The following INTS2 variants were observed in gnomAD, a reference collection of about 807,000 sequenced individuals.
INTS2 encodes KIAA1287.
A neutral mutation model predicts 139.6 loss-of-function variants in INTS2; 57 were observed. The ratio of observed to expected loss-of-function variants is 0.41; its 90% CI spans 0.33 to 0.51. INTS2 has a LOEUF of 0.51. Ranked by LOEUF, INTS2 falls within the 20% of genes least tolerant of loss-of-function variation. The pLI is 0.28. For missense variants in INTS2, 1,196 were observed against 1,436.7 expected (o/e 0.83, Z 2.71); for synonymous variants, 473 against 493.4 (o/e 0.96, Z 0.55).
chr17:61,927,765 G>A lies in INTS2; in HGVS notation c.-130C>T. On this transcript the variant is annotated 5_prime_UTR_variant, in exon 1 of 25. Coordinates refer to ENST00000251334, the MANE Select transcript of INTS2 (RefSeq NM_001351695.2). ...CGATGTTGGGCCTAGGCGATATCCG[G>A]AACCCCAAACCCTAGTTGTGCCTCG... 1.3e-6 allele frequency: 2 copies of A among 1,553,190 alleles called. No individual in the cohort carries two copies. The highest frequency in any genetic ancestry group is 8.7e-7 in the Non-Finnish European group (1 of 1,151,342).
Position 61,875,092 on chromosome 17 carries a change from T to C in INTS2, c.2457-54A>G. ...ACAGTTTTTTATATATTAAAATCTG[T>C]AGCCATCCAGTCCTTTCTATCTTAG... is the stretch of plus-strand genomic sequence containing the variant. On this transcript the variant is annotated intron_variant, in intron 18 of 24. Coordinates refer to ENST00000251334, the MANE Select transcript of INTS2 (RefSeq NM_001351695.2). This position sits in a 1 kb window ranked among gnomAD's most constrained non-coding sequence, Gnocchi z 4.6. 1.5e-6 allele frequency: 2 copies of C among 1,331,756 alleles called. No individual in the cohort carries two copies. The highest frequency in any genetic ancestry group is 2.0e-6 in the Non-Finnish European group (2 of 989,532). The allele number at this position is 1,331,756 out of a possible 1,614,324, so 82.5% of individuals were successfully genotyped here. A position where few individuals can be genotyped will look rare whatever the true frequency, so the allele number is the denominator to read the frequency against.
chr17:61,914,978 C>G (rs1411614909), intron 5 of INTS2, among the ~76,000 whole-genome samples: 1 of 151,796 alleles, frequency 6.6e-6, no homozygotes, highest in African/African-American at 2.4e-5. Flanking sequence ...CCGAGGAGGA[C>G]AGATCACTTG....
At position 61,882,373 on chromosome 17, in the gene INTS2, G is replaced by A. The variant is rs1042854321; in HGVS notation, c.2090-1202C>T. On this transcript the variant is annotated intron_variant, in intron 16 of 24. Transcript: ENST00000251334. This position sits in a 1 kb window ranked among gnomAD's most constrained non-coding sequence, Gnocchi z 4.7. The stretch of plus-strand genomic sequence containing the variant: ...TGGGAAAACTTGTTACCAAATCAAA[G>A]CCTTATTTATAACATTTTACCTATA... 6.6e-6 allele frequency among the ~76,000 whole-genome samples: 1 copy of A among 152,150 alleles called. No homozygotes were observed. The highest frequency in any genetic ancestry group is 2.4e-5 in the African/African-American group (1 of 41,426).
Position 61,911,477 on chromosome 17 carries a change from A to G in INTS2, c.954+43T>C, listed in dbSNP as rs1278949123. ...GTTTCTTTCTCTTTTAGCAGCTGCT[A>G]AAGTATTCTGATCCTTAGCCTATAC... On this transcript the variant is annotated intron_variant, in intron 7 of 24. Coordinates refer to ENST00000251334, the MANE Select transcript of INTS2 (RefSeq NM_001351695.2). 5.9e-6 allele frequency: 9 copies of G among 1,531,524 alleles called. No individual in the cohort carries two copies. The African/African-American group carries it at 9.7e-5, about 16-fold the overall frequency. 94.9% of individuals were successfully genotyped at this position (1,531,524 alleles called of 1,614,324 possible).
At chr17:61,894,482 G>A (rs1171668541) in intron 12 of INTS2, among the ~76,000 whole-genome samples, 1 of 152,156 alleles carries the variant, frequency 6.6e-6, no homozygotes, top group Non-Finnish European at 1.5e-5. Context: ...TTGTAATTCA[G>A]GAGTATATGT....
rs1249961356 is a variant in INTS2, at chr17:61,871,672, G to C, written c.2778+593C>G. Among the ~76,000 whole-genome samples, 1 of 152,076 alleles carries C rather than the reference G, an allele frequency of 6.6e-6. No individual in the cohort carries two copies. The highest frequency in any genetic ancestry group is 1.5e-5 in the Non-Finnish European group (1 of 68,016). On this transcript the variant is annotated intron_variant, in intron 20 of 24. Transcript: ENST00000251334. The surrounding 1 kb of genome is among the most constrained non-coding windows in gnomAD (Gnocchi z 4.9). ...AATGAGGCCGGGTGCCGTGGCTCAT[G>C]CCTGTAATCCCAGCACTTTGGGAAG...
intron 8 of INTS2, among the ~76,000 whole-genome samples, chr17:61,906,216 A>G (rs1020593729): frequency 3.3e-5 from 5 of 152,192 alleles, no homozygotes; most frequent in African/African-American, 1.2e-4. Context: ...CTCAAAGGAA[A>G]TGCTCATTGG....
chr17:61,868,941 G>T lies in INTS2; in HGVS notation c.3244+93C>A. The T allele has an allele frequency of 1.3e-6, 1 of 742,610 alleles. No individual in the cohort carries two copies. The highest frequency in any genetic ancestry group is 2.3e-6 in the Non-Finnish European group (1 of 429,760). 46.0% of individuals were successfully genotyped at this position (742,610 alleles called of 1,614,324 possible). On this transcript the variant is annotated intron_variant, in intron 23 of 24. Coordinates refer to ENST00000251334, the MANE Select transcript of INTS2 (RefSeq NM_001351695.2). The surrounding 1 kb of genome is among the most constrained non-coding windows in gnomAD (Gnocchi z 4.7). Reference sequence around the variant, plus strand: ...ATATTGTATCATACTGTCTCAGAGTGACAGAAAAAACATATTGCATCACTA... The same window carrying T: ...ATATTGTATCATACTGTCTCAGAGTTACAGAAAAAACATATTGCATCACTA...
chr17:61,892,994 G>A (rs1248969208), intron 13 of INTS2, among the ~76,000 whole-genome samples: 2 of 141,142 alleles, frequency 1.4e-5, no homozygotes, highest in Non-Finnish European at 3.1e-5. Context: ...GTGGTGGCTC[G>A]CACCTGTAGT....
At chr17:61,874,140 T>C (rs1302460271) in intron 19 of INTS2, 3 of 152,168 alleles carry the variant, frequency 2.0e-5, no homozygotes, top group Non-Finnish European at 4.4e-5. Context: ...CTGTACCTGA[T>C]TATGATCAAT....
intron 5 of INTS2, 61 bp downstream of exon 5, chr17:61,919,339 G>T: frequency 1.3e-6 from 1 of 771,602 alleles, no homozygotes; most frequent in Non-Finnish European, 2.2e-6. Flanking sequence ...AGGTCAAAAA[G>T]ATAGGTCCTG....
intron 8 of INTS2, among the ~76,000 whole-genome samples, chr17:61,905,546 C>T (rs1237560183): frequency 6.6e-6 from 1 of 152,160 alleles, no homozygotes; most frequent in Non-Finnish European, 1.5e-5. Context: ...AGGTTGTCCT[C>T]GAACTCCTGA....
Position 61,875,953 on chromosome 17 carries a change from G to C in INTS2, c.2457-915C>G, listed in dbSNP as rs74527233. ...GGAGGCTGAGGCAGAAGGTTCGCTT[G>C]AGCCCAGGAGTTCAAGACTAGCCTG... On this transcript the variant is annotated intron_variant, in intron 18 of 24. Coordinates refer to ENST00000251334, the MANE Select transcript of INTS2 (RefSeq NM_001351695.2). The surrounding 1 kb of genome is among the most constrained non-coding windows in gnomAD (Gnocchi z 4.6). 0.031 allele frequency among the ~76,000 whole-genome samples: 4,708 copies of C among 152,124 alleles called. 239 individuals are homozygous for C. Among genetic ancestry groups the C allele is most frequent in the African/African-American group, 0.11 (4,455 of 41,462 alleles).
chr17:61,883,152 T>A (rs1164654972), intron 16 of INTS2, among the ~76,000 whole-genome samples: 1 of 152,168 alleles, frequency 6.6e-6, no homozygotes, highest in Non-Finnish European at 1.5e-5. Flanking sequence ...CAACATTTCA[T>A]ACTCTTTTCA....
rs1042948362 is a variant in INTS2 at position 61,869,539 on chromosome 17, G to T, written c.3031-159C>A. On this transcript the variant is annotated intron_variant, in intron 21 of 24. Coordinates refer to ENST00000251334, the MANE Select transcript of INTS2 (RefSeq NM_001351695.2). The surrounding 1 kb of genome is among the most constrained non-coding windows in gnomAD (Gnocchi z 5.4). ...GGCATTTCACTTTTCTGATGCACTA[G>T]AATAGAGATTAAACTATCGAACATT... 6.6e-6 allele frequency among the ~76,000 whole-genome samples: 1 copy of T among 151,364 alleles called. No individual in the cohort carries two copies. Among genetic ancestry groups the T allele is most frequent in the Admixed American group, 6.6e-5 (1 of 15,176 alleles).
At chr17:61,908,098 T>C (rs2079484785) in intron 7 of INTS2, among the ~76,000 whole-genome samples, 1 of 152,192 alleles carries the variant, frequency 6.6e-6, no homozygotes, top group Admixed American at 6.5e-5. Flanking sequence ...ATATTTACCT[T>C]ATAGAACTCC....
At position 61,873,877 on chromosome 17, in the gene INTS2, C is replaced by T. The variant is rs575132381; in HGVS notation, c.2582+1036G>A. On this transcript the variant is annotated intron_variant, in intron 19 of 24. Coordinates refer to ENST00000251334, the MANE Select transcript of INTS2 (RefSeq NM_001351695.2). This position sits in a 1 kb window ranked among gnomAD's most constrained non-coding sequence, Gnocchi z 4.0. ...CCACATTAGCCTAATATTCAAGGCC[C>T]TCGATAGCCTGACCCCAATTTAACT... 6.6e-6 allele frequency among the ~76,000 whole-genome samples: 1 copy of T among 152,282 alleles called. No homozygotes were observed. The highest frequency in any genetic ancestry group is 2.1e-4 in the South Asian group (1 of 4,826).
At chr17:61,906,986 A>AAAAAAAATT (rs1164750429) in intron 8 of INTS2, among the ~76,000 whole-genome samples, 1 of 147,176 alleles carries the variant, frequency 6.8e-6, no homozygotes, top group Non-Finnish European at 1.5e-5. Flanking sequence ...AAAAAAAAAC[A>AAAAAAAATT]TTGTACTTAT....
intron 9 of INTS2, among the ~76,000 whole-genome samples, chr17:61,898,899 C>T (rs1317726625): frequency 6.6e-6 from 1 of 152,220 alleles, no homozygotes; most frequent in African/African-American, 2.4e-5. Context: ...CAGGCCTGAG[C>T]CACCACACCC....
Sources: gnomAD v4.1 joint callset for allele counts (sites outside exome capture counted in the v4.1 genomes callset) on GRCh38, gnomAD v4.1.1 for gene constraint, Gnocchi (gnomAD v3.1) non-coding constraint, MANE v1.5 for transcripts, NCBI Gene and HGNC (gene_info 2026-07-23, HGNC 2026-07-21) for gene names.